Variants in KAZN observed in about 807,000 individuals in gnomAD.
KAZN encodes kazrin, periplakin interacting protein.
In KAZN, 40 loss-of-function variants were observed where a neutral mutation model predicts 87.4. The observed-to-expected ratio is 0.46, with a 90% CI of 0.36 to 0.60. The LOEUF (loss-of-function observed/expected upper bound fraction) is 0.60. Ranked by LOEUF, KAZN falls within the 20% of genes least tolerant of loss-of-function variation. KAZN has a pLI of 0.00. For synonymous variants in KAZN, 466 were observed against 458.3 expected (o/e 1.02, Z -0.22); for missense variants, 898 against 1,073.9 (o/e 0.84, Z 2.29).
chr1:14,945,259 T>A (rs759835879), intron 1 of KAZN, among the ~76,000 whole-genome samples: 8 of 152,128 alleles, frequency 5.3e-5, no homozygotes, highest in African/African-American at 1.9e-4. Flanking sequence ...TGTGAGGCAG[T>A]CCCCCGTGGC....
At chr1:14,670,397 A>T (rs1157498961) in intron 1 of KAZN, among the ~76,000 whole-genome samples, 2 of 152,216 alleles carry the variant, frequency 1.3e-5, no homozygotes. Context: ...CTTCTGCTTC[A>T]GTAGGTCTGA....
chr1:14,737,532 C>G (rs1337985431), intron 1 of KAZN, among the ~76,000 whole-genome samples: 1 of 152,164 alleles, frequency 6.6e-6, no homozygotes, highest in Non-Finnish European at 1.5e-5. Context: ...GCTGTGTAAC[C>G]AGTTACTGCA....
intron 2 of KAZN, among the ~76,000 whole-genome samples, chr1:14,563,539 C>T (rs913475331): frequency 3.3e-5 from 5 of 152,294 alleles, no homozygotes; most frequent in African/African-American, 1.2e-4. Context: ...GCGAATTCAT[C>T]ACCTTCCTGG....
intron 1 of KAZN, among the ~76,000 whole-genome samples, chr1:14,827,523 G>A (rs763300067): frequency 7.2e-5 from 11 of 152,112 alleles, no homozygotes; most frequent in Non-Finnish European, 1.0e-4. Context: ...TTTTCCATTA[G>A]GGGCAGGGAT....
At chr1:14,871,760 G>C (rs541568475) in intron 1 of KAZN, among the ~76,000 whole-genome samples, 1 of 151,784 alleles carries the variant, frequency 6.6e-6, no homozygotes, top group Non-Finnish European at 1.5e-5. Flanking sequence ...TGAAGGCATA[G>C]TATCCTGATT....
intron 2 of KAZN, among the ~76,000 whole-genome samples, chr1:14,193,367 C>T (rs1646460738): frequency 1.3e-5 from 2 of 152,160 alleles, no homozygotes; most frequent in Non-Finnish European, 2.9e-5. Context: ...TGTGAAGACA[C>T]GTCTTGGAGA....
chr1:14,124,625 C>T (rs746130683), intron 1 of KAZN, among the ~76,000 whole-genome samples: 3 of 152,218 alleles, frequency 2.0e-5, no homozygotes, highest in Non-Finnish European at 4.4e-5. Flanking sequence ...TGCTTAAGCT[C>T]TCTGGAAAAG....
chr1:14,783,349 T>C lies in KAZN; in HGVS notation c.227-177335T>C, dbSNP rs1645413012. Among the ~76,000 whole-genome samples the C allele has an allele frequency of 2.6e-5, 4 of 152,056 alleles. 1 individual carries two copies. The highest frequency in any genetic ancestry group is 1.3e-4 in the Admixed American group (2 of 15,270). ...ACCAGCAGGGGCTCCTTTTGCAGAC[T>C]GAGCCACTGCAAGAGGAAGAGCCCA... On this transcript the variant is annotated intron_variant, in intron 1 of 14. Transcript: ENST00000376030.
intron 8 of KAZN, among the ~76,000 whole-genome samples, chr1:15,088,542 G>T (rs1437931403): frequency 2.0e-5 from 3 of 152,190 alleles, no homozygotes; most frequent in Non-Finnish European, 1.5e-5. Flanking sequence ...CCGCGACTCG[G>T]CAGCCCCTCC....
At chr1:14,211,720 A>G (rs1464310475) in intron 2 of KAZN, among the ~76,000 whole-genome samples, 1 of 152,090 alleles carries the variant, frequency 6.6e-6, no homozygotes, top group Non-Finnish European at 1.5e-5. Context: ...TGATGGGAAT[A>G]TTTACACCAT....
chr1:14,360,767 G>T (rs987043376), intron 2 of KAZN, among the ~76,000 whole-genome samples: 4 of 152,184 alleles, frequency 2.6e-5, no homozygotes, highest in Non-Finnish European at 5.9e-5. Flanking sequence ...TCACCAGCCA[G>T]GCTGCAGAAC....
intron 1 of KAZN, among the ~76,000 whole-genome samples, chr1:14,075,383 G>T (rs1293571807): frequency 6.6e-6 from 1 of 152,024 alleles, no homozygotes; most frequent in Non-Finnish European, 1.5e-5. Flanking sequence ...TTCTCCTGTG[G>T]ATCACCTTTG....
intron 2 of KAZN, chr1:14,222,967 T>C (rs1244305550): frequency 6.6e-6 from 1 of 152,166 alleles, no homozygotes; most frequent in East Asian, 1.9e-4. Context: ...AATAGATAGG[T>C]TTAAATAAAT....
intron 1 of KAZN, among the ~76,000 whole-genome samples, chr1:14,842,496 G>A (rs146791931): frequency 3.7e-4 from 57 of 152,328 alleles, no homozygotes; most frequent in African/African-American, 8.4e-4. Context: ...CTCCTGTTGC[G>A]TTAGCTATCA....
intron 8 of KAZN, among the ~76,000 whole-genome samples, chr1:15,088,087 C>T (rs547450267): frequency 1.3e-5 from 2 of 152,328 alleles, no homozygotes; most frequent in Admixed American, 1.3e-4. Context: ...TGGTCTTTTG[C>T]ACCGGGCCAA....
In KAZN at chr1:14,923,721, A is replaced by ATTTC. The variant is rs1178877419; in HGVS notation, c.227-36963_227-36962insTTTC. ...TCACACGCAAAGATGAGCGAAGGAA[A>ATTTC]GGTCCCGGGGCTGCTCCCCTGCCCG... On this transcript the variant is annotated intron_variant, in intron 1 of 14. Transcript: ENST00000376030. This position sits in a 1 kb window ranked among gnomAD's most constrained non-coding sequence, Gnocchi z 4.2. Among the ~76,000 whole-genome samples the ATTTC allele has an allele frequency of 1.3e-5, 2 of 152,146 alleles. No homozygotes were observed. Among genetic ancestry groups the ATTTC allele is most frequent in the Non-Finnish European group, 2.9e-5 (2 of 68,018 alleles).
intron 1 of KAZN, among the ~76,000 whole-genome samples, chr1:14,036,336 C>G (rs1008173621): frequency 6.6e-6 from 1 of 152,134 alleles, no homozygotes; most frequent in Non-Finnish European, 1.5e-5. Flanking sequence ...TGTGGCTGTT[C>G]AGGCTTCGTT....
intron 1 of KAZN, among the ~76,000 whole-genome samples, chr1:14,148,890 AAAG>A (rs1223443157): frequency 6.6e-6 from 1 of 152,150 alleles, no homozygotes; most frequent in Non-Finnish European, 1.5e-5. Context: ...TGTGTTTGAC[AAAG>A]AACACTCCAC....
chr1:14,546,629 A>G (rs543604187), intron 2 of KAZN, among the ~76,000 whole-genome samples: 1 of 152,298 alleles, frequency 6.6e-6, no homozygotes, highest in African/African-American at 2.4e-5. Flanking sequence ...GGAAGACTTC[A>G]GAGGCCACTA....
Sources: gnomAD v4.1 joint callset for allele counts (sites outside exome capture counted in the v4.1 genomes callset) on GRCh38, gnomAD v4.1.1 for gene constraint, Gnocchi (gnomAD v3.1) non-coding constraint, MANE v1.5 for transcripts, NCBI Gene and HGNC (gene_info 2026-07-23, HGNC 2026-07-21) for gene names.